The following FREM3 variants were observed in gnomAD, a reference collection of about 807,000 sequenced individuals.
FREM3 encodes FRAS1-related extracellular matrix protein 3.
Under a neutral mutation model 129.1 loss-of-function variants are expected in FREM3, and 105 were observed. The observed-to-expected ratio is 0.81, with a 90% CI of 0.69 to 0.96. The LOEUF is 0.96. Ranked by LOEUF, FREM3 falls within the 40% of genes least tolerant of loss-of-function variation. The pLI is 0.00. For synonymous variants in FREM3, 1,014 were observed against 1,044.9 expected, an observed-to-expected ratio of 0.97 and a Z score of 0.57; for missense variants, 2,593 against 2,666.3, an observed-to-expected ratio of 0.97 and a Z score of 0.61.
At chr4:143,597,924 A>G (rs1477388948) in intron 6 of FREM3, among the ~76,000 whole-genome samples, 1 of 152,242 alleles carries the variant, frequency 6.6e-6, no homozygotes, top group Non-Finnish European at 1.5e-5. Context: ...AGATCAAAGC[A>G]TCGGCAGATG....
chr4:143,698,280 A>G lies in FREM3; in HGVS notation c.2396T>C (p.Val799Ala). Residue 799 changes from valine (V) to alanine (A), a missense_variant, in exon 1 of 8, where the codon GTT becomes GCT. Val to Ala is a moderately conservative substitution (Grantham distance 64). This residue lies in a region of FREM3 where 2,276 missense variants were observed against 2,267.2 expected (regional missense o/e 1.00). Transcript: ENST00000329798. The stretch of plus-strand genomic sequence containing the variant: ...TTCCACCTGGTAAGTAAACTGCACA[A>G]CCCGTGGTGCAATACCCAATTTCTG... ...PPQKLGIAPR[V>A]VQFTYQVEDA... 2.0e-6 allele frequency: 3 copies of G among 1,537,594 alleles called. No individual in the cohort carries two copies. Among genetic ancestry groups the G allele is most frequent in the Non-Finnish European group, 2.6e-6 (3 of 1,147,002 alleles).
intron 2 of FREM3, among the ~76,000 whole-genome samples, chr4:143,641,812 A>G (rs1739325038): frequency 6.6e-6 from 1 of 152,202 alleles, no homozygotes; most frequent in Admixed American, 6.5e-5. Flanking sequence ...AGAAATAAAA[A>G]TGCCCTTTAT....
chr4:143,597,506 C>G (rs572542947), intron 6 of FREM3, among the ~76,000 whole-genome samples: 1 of 152,306 alleles, frequency 6.6e-6, no homozygotes, highest in South Asian at 2.1e-4. Flanking sequence ...TGTGATGCTT[C>G]CAGCTCTGCT....
chr4:143,656,262 C>G (rs1739598645), intron 2 of FREM3, among the ~76,000 whole-genome samples: 1 of 152,060 alleles, frequency 6.6e-6, no homozygotes, highest in South Asian at 2.1e-4. Flanking sequence ...CAGCAGATAT[C>G]AAGTCCTGAG....
chr4:143,580,323 G>A (rs1383613067), intron 7 of FREM3, among the ~76,000 whole-genome samples: 1 of 152,086 alleles, frequency 6.6e-6, no homozygotes, highest in Non-Finnish European at 1.5e-5. Flanking sequence ...CAAAGCCAGG[G>A]GAGGATCCCC....
chr4:143,590,906 C>G (rs1252269754), intron 6 of FREM3, among the ~76,000 whole-genome samples: 1 of 152,150 alleles, frequency 6.6e-6, no homozygotes, highest in Non-Finnish European at 1.5e-5. Context: ...ATTATTGCCT[C>G]AATTTCAGAT....
intron 6 of FREM3, among the ~76,000 whole-genome samples, chr4:143,601,599 T>C (rs1480529047): frequency 2.6e-5 from 4 of 152,292 alleles, no homozygotes; most frequent in South Asian, 4.1e-4. Flanking sequence ...ATCTTGCCCT[T>C]GATACAGGGC....
At chr4:143,631,378 T>C (rs11732305) in intron 2 of FREM3, among the ~76,000 whole-genome samples, 56,289 of 151,856 alleles carry the variant, frequency 0.37, 11,881 homozygotes, top group Non-Finnish European at 0.47. Flanking sequence ...GAGTCTTGCT[T>C]TGTCACCTAG....
At chr4:143,581,406 T>C (rs1738140270) in intron 7 of FREM3, among the ~76,000 whole-genome samples, 1 of 149,872 alleles carries the variant, frequency 6.7e-6, no homozygotes, top group African/African-American at 2.5e-5. Flanking sequence ...ACAAACACCA[T>C]ACGAAGAGGA....
intron 6 of FREM3, among the ~76,000 whole-genome samples, chr4:143,604,848 A>G (rs1483792150): frequency 6.6e-6 from 1 of 152,190 alleles, no homozygotes; most frequent in Non-Finnish European, 1.5e-5. Context: ...CAGTAATTAT[A>G]AATAATGACT....
At chr4:143,671,780 G>T (rs1010244790) in intron 2 of FREM3, among the ~76,000 whole-genome samples, 1 of 152,164 alleles carries the variant, frequency 6.6e-6, no homozygotes, top group African/African-American at 2.4e-5. Flanking sequence ...TAGGTGCGAA[G>T]AATTCTAATT....
Position 143,621,109 on chromosome 4 carries a change from C to T in FREM3, c.5707G>A (p.Glu1903Lys), listed in dbSNP as rs868625676. The T allele has an allele frequency of 5.2e-6, 8 of 1,536,774 alleles. No homozygotes were observed. Among genetic ancestry groups the T allele is most frequent in the Non-Finnish European group, 5.2e-6 (6 of 1,146,614 alleles). ...AEYKIEEDIG[E>K]LLIPVRRSGD... The stretch of plus-strand genomic sequence containing the variant: ...GATCGTCTTACTGGAATCAAAAGTT[C>T]CCCAATGTCCTCTTCTATTTTGTAT... Residue 1903 changes from glutamate (E) to lysine (K), a missense_variant, in exon 5 of 8, where the codon GAA becomes AAA. Transcript: ENST00000329798.
chr4:143,584,037 T>A lies in FREM3; in HGVS notation c.6178+1807A>T, dbSNP rs370147817. ...TTGCAAGTTAGATAAAGAAGAAAGA[T>A]CCAACCACATGCTGTCTTCAAAAGA... On this transcript the variant is annotated intron_variant, in intron 7 of 7. Transcript: ENST00000329798. 5.3e-5 allele frequency among the ~76,000 whole-genome samples: 8 copies of A among 152,296 alleles called. No homozygotes were observed. The East Asian group carries it at 7.7e-4, about 15-fold the overall frequency.
rs1332495660 is a variant in FREM3, at chr4:143,693,095, G to C, written c.5275+18C>G. 7.9e-7 allele frequency: 1 copy of C among 1,271,342 alleles called. No homozygotes were observed. The highest frequency in any genetic ancestry group is 1.1e-6 in the Non-Finnish European group (1 of 943,330). The allele number at this position is 1,271,342 out of a possible 1,614,324, so 78.8% of individuals were successfully genotyped here. On this transcript the variant is annotated intron_variant, in intron 2 of 7. Transcript: ENST00000329798. ...TTAGTTAACCATGAATCCTTTTGAAGGGTTTATTATGACTTACCATTGTCT... is the reference window on the plus strand; with the variant it reads ...TTAGTTAACCATGAATCCTTTTGAACGGTTTATTATGACTTACCATTGTCT...
intron 4 of FREM3, among the ~76,000 whole-genome samples, chr4:143,621,948 C>G (rs1354870735): frequency 6.6e-6 from 1 of 152,108 alleles, no homozygotes; most frequent in Non-Finnish European, 1.5e-5. Context: ...ATTGTTCCGA[C>G]TTATAGTGTG....
chr4:143,670,936 G>A (rs1578861825), intron 2 of FREM3, among the ~76,000 whole-genome samples: 2 of 152,022 alleles, frequency 1.3e-5, no homozygotes, highest in South Asian at 4.1e-4. Context: ...AAACATGAAT[G>A]CAAATGTTTT....
At position 143,665,027 on chromosome 4, in the gene FREM3, C is replaced by T. The variant is rs551540771; in HGVS notation, c.5275+28086G>A. ...TTGACTAGGAAAGGGAACTCCCTGACCCCTTGCACTTCCCGAGTGAGGCAA... is the reference window on the plus strand; with the variant it reads ...TTGACTAGGAAAGGGAACTCCCTGATCCCTTGCACTTCCCGAGTGAGGCAA... On this transcript the variant is annotated intron_variant, in intron 2 of 7. Transcript: ENST00000329798. Among the ~76,000 whole-genome samples, 6 of 152,298 alleles carry T rather than the reference C, an allele frequency of 3.9e-5. No homozygotes were observed. The South Asian group carries it at 1.2e-3, about 32-fold the overall frequency.
At chr4:143,682,899 T>C (rs564423271) in intron 2 of FREM3, among the ~76,000 whole-genome samples, 1 of 152,274 alleles carries the variant, frequency 6.6e-6, no homozygotes, top group Admixed American at 6.5e-5. Flanking sequence ...TCAGATGTGA[T>C]TAAATGAAGG....
At position 143,698,755 on chromosome 4, in the gene FREM3, C is replaced by T. The variant is rs1190555020; in HGVS notation, c.1921G>A (p.Val641Met). 1.3e-6 allele frequency: 2 copies of T among 1,537,516 alleles called. No individual in the cohort carries two copies. The highest frequency in any genetic ancestry group is 4.9e-5 in the East Asian group (2 of 40,906). Residue 641 changes from valine to methionine, a missense_variant, in exon 1 of 8, where the codon GTG (valine) becomes ATG (methionine). Physicochemically the swap from Val to Met is conservative, Grantham distance 21. Coordinates refer to ENST00000329798, the MANE Select transcript of FREM3 (RefSeq NM_001168235.2). ...TCTCTCTGTAGCCACTCAGTCACCACTTTCTCATAAAGCCCTTCCTTTTCC... is the reference window on the plus strand; with the variant it reads ...TCTCTCTGTAGCCACTCAGTCACCATTTTCTCATAAAGCCCTTCCTTTTCC... ...YMEKEGLYEK[V>M]VTEWLQRDIM...
Sources: gnomAD v4.1 joint callset for allele counts (sites outside exome capture counted in the v4.1 genomes callset) on GRCh38, gnomAD v4.1.1 for gene constraint, gnomAD v4.1.1 regional missense constraint, MANE v1.5 for transcripts, NCBI Gene and HGNC (gene_info 2026-07-23, HGNC 2026-07-21) for gene names.